Variants in FARP1 observed in about 807,000 individuals in gnomAD.
The protein encoded by FARP1 is FERM, ARHGEF and pleckstrin domain-containing protein 1.
A neutral mutation model predicts 128.8 loss-of-function variants in FARP1; 52 were observed. The ratio of observed to expected loss-of-function variants is 0.40; its 90% CI spans 0.32 to 0.51. FARP1 has a LOEUF of 0.51. Among genes scored for constraint, FARP1 ranks in the 20% least tolerant of loss-of-function variants. The pLI is 0.45. For synonymous variants in FARP1, 580 were observed against 551.8 expected (o/e 1.05, Z -0.72); for missense variants, 1,333 against 1,367.9 (o/e 0.97, Z 0.40).
At chr13:98,255,069 T>G (rs1253942918) in intron 2 of FARP1, among the ~76,000 whole-genome samples, 1 of 152,172 alleles carries the variant, frequency 6.6e-6, no homozygotes, top group East Asian at 1.9e-4. Context: ...GAAATGAGAT[T>G]TTGGGTAAAA....
At chr13:98,234,187 TG>T (rs1442834059) in intron 2 of FARP1, 1 of 152,238 alleles carries the variant, frequency 6.6e-6, no homozygotes, top group Non-Finnish European at 1.5e-5. Context: ...TCAGAGTGTC[TG>T]GATGTTACCC....
rs146334806 is a variant in FARP1 at position 98,326,139 on chromosome 13, G to A, written c.172-17623G>A. ...GGTAATGAATAAACATATGCAAAAG[G>A]ACAATCAGTTGCAGGTGTGTTGCCT... On this transcript the variant is annotated intron_variant, in intron 2 of 26. Transcript: ENST00000319562. Among the ~76,000 whole-genome samples the A allele has an allele frequency of 3.7e-3, 566 of 152,232 alleles. 2 individuals carry two copies. The highest frequency in any genetic ancestry group is 0.01 in the Middle Eastern group (3 of 294).
intron 24 of FARP1, among the ~76,000 whole-genome samples, chr13:98,444,141 G>A (rs1892673771): frequency 6.6e-6 from 1 of 152,096 alleles, no homozygotes; most frequent in Non-Finnish European, 1.5e-5. Context: ...CCATGTTGCA[G>A]GGCTCCGGTC....
intron 2 of FARP1, among the ~76,000 whole-genome samples, chr13:98,261,161 A>AG (rs1232623080): frequency 1.3e-5 from 2 of 152,208 alleles, no homozygotes; most frequent in African/African-American, 4.8e-5. Context: ...AGACACTGGA[A>AG]GGAACCACTG....
chr13:98,311,550 T>C (rs1886458644), intron 2 of FARP1, among the ~76,000 whole-genome samples: 1 of 147,656 alleles, frequency 6.8e-6, no homozygotes, highest in South Asian at 2.1e-4. Context: ...ATCAGGGTGC[T>C]GTGTGTGTGT....
At chr13:98,221,689 T>A (rs1881422810) in intron 2 of FARP1, among the ~76,000 whole-genome samples, 1 of 152,230 alleles carries the variant, frequency 6.6e-6, no homozygotes, top group Non-Finnish European at 1.5e-5. Context: ...CTCCTCTATT[T>A]TCTTAGCTTC....
intron 2 of FARP1, among the ~76,000 whole-genome samples, chr13:98,312,154 T>TTTTTTTTTC (rs1566863747): frequency 1.8e-4 from 27 of 146,570 alleles, no homozygotes; most frequent in African/African-American, 6.9e-4. Context: ...TTTTTTTTTT[T>TTTTTTTTTC]CTTTGAGACG....
chr13:98,220,689 T>G (rs1156516594), intron 2 of FARP1, among the ~76,000 whole-genome samples: 2 of 152,210 alleles, frequency 1.3e-5, no homozygotes, highest in Admixed American at 1.3e-4. Flanking sequence ...AGCTAAATAC[T>G]GTTAGCTTTC....
rs1200288509 is a variant in FARP1, at chr13:98,449,716, A to T, written c.*1399A>T. The T allele has an allele frequency of 6.6e-6, 1 of 152,514 alleles. No homozygotes were observed. Among genetic ancestry groups the T allele is most frequent in the African/African-American group, 2.4e-5 (1 of 41,382 alleles). The allele number at this position is 152,514 out of a possible 1,614,324, so 9.4% of individuals were successfully genotyped here. ...GACGGTTTCCAGTACTAACAAAGGG[A>T]ATAAAAATACCTCACGCCACAATCC... On this transcript the variant is annotated 3_prime_UTR_variant, in exon 27 of 27. Transcript: ENST00000319562.
chr13:98,266,222 G>C (rs1884108605), intron 2 of FARP1, among the ~76,000 whole-genome samples: 1 of 152,132 alleles, frequency 6.6e-6, no homozygotes, highest in African/African-American at 2.4e-5. Flanking sequence ...AGCTCACATT[G>C]GCAGCGATTT....
chr13:98,158,632 CACATAA>C (rs1226358475), intron 1 of FARP1, among the ~76,000 whole-genome samples: 6 of 152,106 alleles, frequency 3.9e-5, no homozygotes, highest in African/African-American at 1.2e-4. Context: ...ACTCCAAAGT[CACATAA>C]AAAAACCCTA....
intron 2 of FARP1, among the ~76,000 whole-genome samples, chr13:98,308,029 C>CTTTTTTTT (rs1886253580): frequency 8.7e-6 from 1 of 114,930 alleles, no homozygotes; most frequent in African/African-American, 3.7e-5. Context: ...CCCCCACTCT[C>CTTTTTTTT]TCTCTTTTTT....
intron 20 of FARP1, 77 bp from the exon 21 acceptor site, chr13:98,439,030 G>T (rs1342362294): frequency 1.4e-6 from 2 of 1,410,596 alleles, no homozygotes; most frequent in Non-Finnish European, 2.0e-6. Context: ...TGAAGGCACA[G>T]TTGAGGACAG....
intron 1 of FARP1, among the ~76,000 whole-genome samples, chr13:98,212,782 A>G (rs1880811813): frequency 6.6e-6 from 1 of 152,162 alleles, no homozygotes; most frequent in Non-Finnish European, 1.5e-5. Context: ...CGAGCTCTGC[A>G]GTGCGCGTTT....
chr13:98,371,511 A>G (rs1326917688), intron 5 of FARP1, among the ~76,000 whole-genome samples: 1 of 151,814 alleles, frequency 6.6e-6, no homozygotes, highest in Non-Finnish European at 1.5e-5. Context: ...TTCCAAGGAG[A>G]CAGTTCTTTT....
intron 2 of FARP1, among the ~76,000 whole-genome samples, chr13:98,255,295 C>T (rs1049513840): frequency 1.3e-5 from 2 of 152,050 alleles, no homozygotes; most frequent in Admixed American, 6.5e-5. Flanking sequence ...GTCAGGAGAT[C>T]GAGACCATCC....
chr13:98,366,810 T>C (rs907424583), intron 4 of FARP1, among the ~76,000 whole-genome samples: 3 of 152,214 alleles, frequency 2.0e-5, no homozygotes, highest in Non-Finnish European at 4.4e-5. Flanking sequence ...ATGTAAGAGT[T>C]TGTTAATTTT....
At chr13:98,212,412 AAG>A (rs1361243334) in intron 1 of FARP1, among the ~76,000 whole-genome samples, 10 of 152,332 alleles carry the variant, frequency 6.6e-5, no homozygotes, top group African/African-American at 1.9e-4. Context: ...CAGGTGAAGA[AAG>A]AGGGCAAAGC....
chr13:98,335,138 T>C (rs772404416), intron 2 of FARP1, among the ~76,000 whole-genome samples: 5 of 152,262 alleles, frequency 3.3e-5, no homozygotes, highest in Non-Finnish European at 7.3e-5. Flanking sequence ...TACAGCTTTT[T>C]GCTAGTTCCT....
Sources: allele counts gnomAD v4.1 joint callset (sites outside exome capture counted in the v4.1 genomes callset), GRCh38; gene constraint gnomAD v4.1.1; transcripts MANE v1.5; gene names NCBI Gene and HGNC (gene_info 2026-07-23, HGNC 2026-07-21).